The following EML1 variants were observed in gnomAD, a reference collection of about 807,000 sequenced individuals.
EML1 encodes the protein EMAP like 1, also known as echinoderm microtubule-associated protein-like 1.
EML1 carries 27 observed loss-of-function variants against 110.4 expected under a neutral mutation model. The observed-to-expected ratio is 0.24, with a 90% CI of 0.18 to 0.34. The LOEUF is 0.34. EML1 is among the 10% of genes least tolerant of loss of function. EML1 has a pLI of 1.00. For synonymous variants in EML1, 344 were observed against 385.8 expected (o/e 0.89, Z 1.27); for missense variants, 741 against 1,030.9 (o/e 0.72, Z 3.85).
At chr14:99,825,333 T>A (rs973127064) in intron 1 of EML1, among the ~76,000 whole-genome samples, 1 of 152,166 alleles carries the variant, frequency 6.6e-6, no homozygotes, top group Admixed American at 6.5e-5. Flanking sequence ...TTAGATTGAT[T>A]CCATGACTTT....
intron 1 of EML1, among the ~76,000 whole-genome samples, chr14:99,834,326 A>C (rs1252247456): frequency 4.0e-5 from 6 of 149,748 alleles, no homozygotes; most frequent in African/African-American, 1.5e-4. Flanking sequence ...TTTTTGAGAC[A>C]AAGTCTTGCT....
Position 99,798,877 on chromosome 14 carries a change from C to T in EML1, c.67+5334C>T, listed in dbSNP as rs564724697. ...TTTCCTCGAACAGGCAGAGCCCTAT[C>T]AGATTACAACACCATTATAATCTGT... On this transcript the variant is annotated intron_variant, in intron 1 of 21. Coordinates refer to ENST00000262233, the MANE Select transcript of EML1 (RefSeq NM_004434.3). Among the ~76,000 whole-genome samples the T allele has an allele frequency of 2.0e-5, 3 of 152,038 alleles. No homozygotes were observed. In the South Asian group the frequency reaches 6.2e-4, roughly 32 times the overall value.
rs945728242 is a variant in EML1, at chr14:99,940,058, C to T, written c.2394C>T (p.His798=). The change falls in exon 22 of 22, where the codon CAC becomes CAT. Residue 798 remains histidine (H), a synonymous_variant. Transcript: ENST00000262233. The stretch of plus-strand genomic sequence containing the variant: ...TCGATTTCCTCTGTGAAGACAGCCA[C>T]CTCATCTCCACGGGCGGGAAAGACA... ...TNVDFLCEDS[H]LISTGGKDTS... 3 of 1,604,270 alleles carry T rather than the reference C, an allele frequency of 1.9e-6. No homozygotes were observed. Among genetic ancestry groups the T allele is most frequent in the African/African-American group, 1.3e-5 (1 of 74,556 alleles).
At chr14:99,873,520 C>A (rs2059239644) in intron 3 of EML1, among the ~76,000 whole-genome samples, 1 of 152,206 alleles carries the variant, frequency 6.6e-6, no homozygotes, top group Non-Finnish European at 1.5e-5. Context: ...ATGTTTGAGT[C>A]TGTTCTCAGT....
intron 5 of EML1, chr14:99,892,315 A>G: frequency 3.5e-6 from 2 of 565,752 alleles, no homozygotes; most frequent in Non-Finnish European, 4.5e-6. Context: ...TTGTGTTGCA[A>G]ACCACTTCGA....
At chr14:99,779,484 T>G (rs958343248) in intron 1 of EML1, among the ~76,000 whole-genome samples, 3 of 152,202 alleles carry the variant, frequency 2.0e-5, no homozygotes, top group African/African-American at 7.2e-5. Context: ...TTATATGTTC[T>G]CAAATGTTCA....
chr14:99,787,477 C>T (rs1409328182), intron 1 of EML1, among the ~76,000 whole-genome samples: 2 of 152,002 alleles, frequency 1.3e-5, no homozygotes, highest in African/African-American at 2.4e-5. Flanking sequence ...TGAGGTTTCA[C>T]CATGTTGGCC....
chr14:99,837,928 T>C (rs2058567544), intron 1 of EML1, among the ~76,000 whole-genome samples: 1 of 152,162 alleles, frequency 6.6e-6, no homozygotes, highest in Non-Finnish European at 1.5e-5. Flanking sequence ...GCCTACCAAG[T>C]AGCTGGGACT....
chr14:99,891,116 C>T, intron 4 of EML1, 83 bp from the exon 5 acceptor site: 6 of 1,519,978 alleles, frequency 3.9e-6, no homozygotes, highest in Non-Finnish European at 5.5e-6. Context: ...CAGACTACTG[C>T]AGCCGTGGCT....
intron 1 of EML1, among the ~76,000 whole-genome samples, chr14:99,753,214 C>T (rs1303209549): frequency 2.9e-5 from 4 of 138,134 alleles, no homozygotes; most frequent in Admixed American, 7.1e-5. Context: ...GCCGCCCCCC[C>T]ACCCCCCACT....
At chr14:99,931,427 T>G (rs879384267) in intron 17 of EML1, among the ~76,000 whole-genome samples, 8 of 152,224 alleles carry the variant, frequency 5.3e-5, no homozygotes, top group Non-Finnish European at 2.9e-5. Flanking sequence ...TGGGCTTGAC[T>G]GAAGCCCCCA....
chr14:99,878,359 G>A (rs139672377), intron 3 of EML1, 126 bp from the exon 4 acceptor site: 147 of 1,401,018 alleles, frequency 1.0e-4, no homozygotes, highest in Non-Finnish European at 1.3e-4. Context: ...TTTGATCTCC[G>A]TTGCTAGGCC....
At chr14:99,855,834 GT>G (rs911892075) in intron 2 of EML1, among the ~76,000 whole-genome samples, 4 of 152,160 alleles carry the variant, frequency 2.6e-5, no homozygotes, top group African/African-American at 7.2e-5. Context: ...GAAGGCTTCT[GT>G]TGGGGAGGTT....
At chr14:99,915,911 T>G (rs1360760954) in intron 15 of EML1, among the ~76,000 whole-genome samples, 3 of 152,202 alleles carry the variant, frequency 2.0e-5, no homozygotes, top group African/African-American at 7.2e-5. Flanking sequence ...TTTGGCTCCC[T>G]TCCCTTCATT....
intron 12 of EML1, 117 bp downstream of exon 12, chr14:99,910,458 G>A (rs1466168768): frequency 7.8e-6 from 6 of 770,382 alleles, no homozygotes; most frequent in African/African-American, 1.8e-5. Flanking sequence ...GAAATTTCAA[G>A]TTACAGAGAC....
chr14:99,739,529 C>T (rs2057017630), intron 1 of EML1, among the ~76,000 whole-genome samples: 1 of 152,148 alleles, frequency 6.6e-6, no homozygotes. Context: ...AGGGTCAGCC[C>T]AGTTGGGTTG....
intron 17 of EML1, among the ~76,000 whole-genome samples, chr14:99,934,027 G>A (rs1032665446): frequency 8.5e-5 from 13 of 152,198 alleles, no homozygotes; most frequent in African/African-American, 3.1e-4. Context: ...CTCAGGAGGT[G>A]GAGGTTGCAG....
chr14:99,919,406 A>C (rs529880153), intron 16 of EML1, among the ~76,000 whole-genome samples: 1 of 86,960 alleles, frequency 1.1e-5, no homozygotes, highest in African/African-American at 3.4e-5. Context: ...AGCCACACAC[A>C]CACATACGCA....
intron 6 of EML1, among the ~76,000 whole-genome samples, chr14:99,894,966 G>T (rs754179826): frequency 6.6e-6 from 1 of 152,138 alleles, no homozygotes; most frequent in Non-Finnish European, 1.5e-5. Context: ...TCATAAGAGC[G>T]GCTTATTATC....
Sources: gnomAD v4.1 joint callset for allele counts (sites outside exome capture counted in the v4.1 genomes callset) on GRCh38, gnomAD v4.1.1 for gene constraint, MANE v1.5 for transcripts, NCBI Gene and HGNC (gene_info 2026-07-23, HGNC 2026-07-21) for gene names.